The following MLIP variants were observed in gnomAD, a reference collection of about 807,000 sequenced individuals.
The protein encoded by MLIP is muscular LMNA interacting protein.
In MLIP, 79 loss-of-function variants were observed where a neutral mutation model predicts 84.8. The ratio of observed to expected loss-of-function variants is 0.93; its 90% confidence interval spans 0.78 to 1.12. The LOEUF is 1.12. Among genes scored for constraint, MLIP ranks in the 50% most tolerant of loss-of-function variants. The probability of loss-of-function intolerance (pLI) is 0.00; values close to 1 mark genes in which losing one functional copy is unlikely to be tolerated. For missense variants in MLIP, 1,257 were observed against 1,160.6 expected (o/e 1.08, Z -1.21); for synonymous variants, 504 against 463.0 (o/e 1.09, Z -1.14).
At chr6:54,129,446 A>T (rs1213865904) in intron 3 of MLIP, among the ~76,000 whole-genome samples, 1 of 152,192 alleles carries the variant, frequency 6.6e-6, no homozygotes, top group East Asian at 1.9e-4. Flanking sequence ...TCCTTTTCAC[A>T]TGATCTTCTG....
intron 1 of MLIP, among the ~76,000 whole-genome samples, chr6:54,054,106 T>C (rs1382164682): frequency 6.6e-6 from 1 of 152,180 alleles, no homozygotes; most frequent in Non-Finnish European, 1.5e-5. Flanking sequence ...TGCTTTTTTT[T>C]CACAAAAACA....
chr6:54,098,281 A>G (rs978793205), intron 1 of MLIP, among the ~76,000 whole-genome samples: 6 of 150,380 alleles, frequency 4.0e-5, no homozygotes, highest in Admixed American at 1.3e-4. Flanking sequence ...CCACCTCCCA[A>G]ATAGCTAGGA....
chr6:54,023,896 A>ATG (rs1763652466), intron 1 of MLIP, among the ~76,000 whole-genome samples: 1 of 152,164 alleles, frequency 6.6e-6, no homozygotes, highest in Non-Finnish European at 1.5e-5. Context: ...AAATACAGCA[A>ATG]AAGAGAAAAG....
intron 1 of MLIP, among the ~76,000 whole-genome samples, chr6:54,076,197 A>G (rs1473459904): frequency 1.3e-5 from 2 of 152,226 alleles, no homozygotes; most frequent in African/African-American, 4.8e-5. Flanking sequence ...ATGAGCCGAA[A>G]TCAATAGATG....
rs144458956 is a variant in MLIP, at chr6:54,026,086, C to T, written c.63+6995C>T. ...AGCTGGAAGGCAACTGGAGGGAATT[C>T]GGAACCAGGATTCTCTGAGTTTCTG... On this transcript the variant is annotated intron_variant, in intron 1 of 12. Transcript: ENST00000274897. 1.2e-4 allele frequency among the ~76,000 whole-genome samples: 18 copies of T among 152,238 alleles called. No homozygotes were observed. The East Asian group carries it at 2.9e-3, about 25-fold the overall frequency.
intron 1 of MLIP, among the ~76,000 whole-genome samples, chr6:54,120,170 T>C (rs1193106261): frequency 6.6e-6 from 1 of 152,246 alleles, no homozygotes; most frequent in African/African-American, 2.4e-5. Context: ...CTTTCTCCCT[T>C]TCCATTTAGT....
chr6:54,036,757 ATCAG>A (rs2150293787), intron 1 of MLIP, among the ~76,000 whole-genome samples: 1 of 152,152 alleles, frequency 6.6e-6, no homozygotes, highest in Admixed American at 6.6e-5. Flanking sequence ...AGGAAATGAA[ATCAG>A]TAGGTCAAAG....
chr6:54,056,768 G>A (rs1349520049), intron 1 of MLIP, among the ~76,000 whole-genome samples: 2 of 152,128 alleles, frequency 1.3e-5, no homozygotes, highest in Non-Finnish European at 2.9e-5. Context: ...GAGTGAAGAA[G>A]AAGGTTTAAA....
intron 4 of MLIP, among the ~76,000 whole-genome samples, chr6:54,142,613 TG>T (rs1772413351): frequency 6.6e-6 from 1 of 152,176 alleles, no homozygotes; most frequent in Admixed American, 6.6e-5. Flanking sequence ...GAGGGTCTTG[TG>T]GGCCACTCTT....
At chr6:54,085,591 A>G (rs1006755637) in intron 1 of MLIP, among the ~76,000 whole-genome samples, 1 of 152,180 alleles carries the variant, frequency 6.6e-6, no homozygotes, top group East Asian at 1.9e-4. Context: ...CTACAAGTAA[A>G]CAAAACGAAT....
chr6:54,221,748 C>T (rs976018446), intron 11 of MLIP, among the ~76,000 whole-genome samples: 1 of 151,748 alleles, frequency 6.6e-6, no homozygotes, highest in Non-Finnish European at 1.5e-5. Flanking sequence ...TAGATCATCT[C>T]GAGTAAATCT....
intron 11 of MLIP, among the ~76,000 whole-genome samples, chr6:54,229,805 A>G (rs1234632008): frequency 6.6e-6 from 1 of 152,180 alleles, no homozygotes; most frequent in Non-Finnish European, 1.5e-5. Context: ...TGTCTTTACT[A>G]GATGCTATCT....
intron 11 of MLIP, among the ~76,000 whole-genome samples, chr6:54,223,792 C>A (rs974403484): frequency 4.0e-5 from 6 of 151,444 alleles, no homozygotes; most frequent in African/African-American, 1.2e-4. Context: ...TAAAACTAAG[C>A]CTTTTAAAAA....
chr6:54,139,142 G>A (rs9367552), intron 4 of MLIP, among the ~76,000 whole-genome samples: 11 of 152,122 alleles, frequency 7.2e-5, no homozygotes. Context: ...AGTGTGTGTG[G>A]TTTCTTTTAA....
intron 1 of MLIP, among the ~76,000 whole-genome samples, chr6:54,104,057 AAC>A (rs1768839119): frequency 6.6e-6 from 1 of 152,118 alleles, no homozygotes; most frequent in African/African-American, 2.4e-5. Flanking sequence ...AACACTTTCT[AAC>A]ACAGTTTTTA....
chr6:54,160,931 A>G (rs565599768), intron 8 of MLIP, 132 bp downstream of exon 8: 1 of 725,216 alleles, frequency 1.4e-6, no homozygotes, highest in Admixed American at 2.9e-5. Flanking sequence ...TTTTTGTAGA[A>G]TTTTAAAGAT....
intron 1 of MLIP, among the ~76,000 whole-genome samples, chr6:54,032,593 G>T (rs995738593): frequency 6.6e-6 from 1 of 152,054 alleles, no homozygotes; most frequent in Non-Finnish European, 1.5e-5. Flanking sequence ...TTACTCTGTC[G>T]CCCAGGCTGG....
intron 10 of MLIP, among the ~76,000 whole-genome samples, chr6:54,190,865 G>A (rs759010668): frequency 6.7e-6 from 1 of 148,764 alleles, no homozygotes; most frequent in African/African-American, 2.5e-5. Context: ...GTGCGATCTC[G>A]GCTCACTGCA....
chr6:54,154,563 G>C (rs750003012), intron 5 of MLIP, among the ~76,000 whole-genome samples: 4 of 152,136 alleles, frequency 2.6e-5, no homozygotes, highest in Non-Finnish European at 4.4e-5. Context: ...AGGTTACTAA[G>C]TTGCTAAATT....
Sources: allele counts gnomAD v4.1 joint callset (sites outside exome capture counted in the v4.1 genomes callset), GRCh38; gene constraint gnomAD v4.1.1; transcripts MANE v1.5; gene names NCBI Gene and HGNC (gene_info 2026-07-23, HGNC 2026-07-21).